SLC30A9: variants seen among roughly 807,000 people sequenced by gnomAD.
SLC30A9 encodes proton-coupled zinc antiporter SLC30A9, mitochondrial.
SLC30A9 carries 58 observed loss-of-function variants against 87.5 expected under a neutral mutation model. The observed-to-expected ratio is 0.66, with a 90% CI of 0.54 to 0.82. The LOEUF is 0.82. Ranked by LOEUF, SLC30A9 falls within the 40% of genes least tolerant of loss-of-function variation. The pLI is 0.00. For synonymous variants in SLC30A9, 234 were observed against 233.0 expected (o/e 1.00, Z -0.04); for missense variants, 557 against 679.1 (o/e 0.82, Z 2.00).
chr4:41,992,206 C>T (rs1057246450), intron 1 of SLC30A9, among the ~76,000 whole-genome samples: 3 of 151,614 alleles, frequency 2.0e-5, no homozygotes, highest in Admixed American at 1.3e-4. Context: ...GGTTTGGTGA[C>T]GCGCGCCTGT....
chr4:41,999,896 T>C (rs1221628428), intron 1 of SLC30A9, among the ~76,000 whole-genome samples: 1 of 152,186 alleles, frequency 6.6e-6, no homozygotes. Context: ...AGTTTTTGTC[T>C]CTTATAAATA....
At chr4:42,023,050 C>G in intron 5 of SLC30A9, 120 bp downstream of exon 5, 1 of 587,966 alleles carries the variant, frequency 1.7e-6, no homozygotes. Context: ...TTTGTATTTG[C>G]AAATCTGTTT....
intron 6 of SLC30A9, among the ~76,000 whole-genome samples, chr4:42,024,448 T>C (rs1468483734): frequency 6.6e-6 from 1 of 152,248 alleles, no homozygotes; most frequent in Non-Finnish European, 1.5e-5. Context: ...AGTTGTATAG[T>C]ACCCCATTGT....
chr4:42,039,691 G>C (rs1295821143), intron 8 of SLC30A9, among the ~76,000 whole-genome samples: 2 of 151,994 alleles, frequency 1.3e-5, no homozygotes, highest in African/African-American at 4.8e-5. Flanking sequence ...TCAATCTCCT[G>C]ACCTCGTGAT....
chr4:42,027,280 G>A (rs1716233593), intron 6 of SLC30A9, among the ~76,000 whole-genome samples: 1 of 152,166 alleles, frequency 6.6e-6, no homozygotes, highest in Non-Finnish European at 1.5e-5. Context: ...TTATTGGGAC[G>A]TAGCCATGAT....
At position 42,081,914 on chromosome 4, in the gene SLC30A9, G is replaced by A. The variant is rs1718751981; in HGVS notation, c.1662+3589G>A. 2.6e-5 allele frequency among the ~76,000 whole-genome samples: 4 copies of A among 152,194 alleles called. No individual in the cohort carries two copies. The South Asian group carries it at 8.3e-4, about 32-fold the overall frequency. ...ATACATTCAGGTGGAAACGTCTTTG[G>A]CTAAGATAATAAAGCATGGCCGGGC... is the stretch of plus-strand genomic sequence containing the variant. On this transcript the variant is annotated intron_variant, in intron 17 of 17. Coordinates refer to ENST00000264451, the MANE Select transcript of SLC30A9 (RefSeq NM_006345.4).
At chr4:42,075,604 A>G in intron 15 of SLC30A9, 53 bp from the exon 16 acceptor site, 1 of 1,472,848 alleles carries the variant, frequency 6.8e-7, no homozygotes, top group Non-Finnish European at 9.5e-7. Flanking sequence ...ATTAAAGTAT[A>G]TATATGTGTA....
At chr4:42,072,231 TTGAC>T (rs1383074391) in intron 15 of SLC30A9, among the ~76,000 whole-genome samples, 2 of 152,184 alleles carry the variant, frequency 1.3e-5, no homozygotes, top group African/African-American at 4.8e-5. Context: ...TTTGGTTTAA[TTGAC>T]TTTCTCTGTT....
chr4:42,067,212 C>T lies in SLC30A9; in HGVS notation c.1252+20C>T. 7.3e-7 allele frequency: 1 copy of T among 1,374,032 alleles called. No homozygotes were observed. Among genetic ancestry groups the T allele is most frequent in the South Asian group, 1.2e-5 (1 of 85,574 alleles). The allele number at this position is 1,374,032 out of a possible 1,614,324, so 85.1% of individuals were successfully genotyped here. On this transcript the variant is annotated intron_variant, in intron 14 of 17. Coordinates refer to ENST00000264451, the MANE Select transcript of SLC30A9 (RefSeq NM_006345.4). ...TAACAGGTAAATATTCCTTAAATTACAGGTGATTTATTTGTCCTACTTAAA... is the reference window on the plus strand; with the variant it reads ...TAACAGGTAAATATTCCTTAAATTATAGGTGATTTATTTGTCCTACTTAAA...
intron 9 of SLC30A9, among the ~76,000 whole-genome samples, chr4:42,056,619 C>T (rs978077031): frequency 2.6e-5 from 4 of 152,102 alleles, no homozygotes; most frequent in South Asian, 2.1e-4. Flanking sequence ...TATCTTCCCG[C>T]CCCAGCCCCT....
chr4:42,016,583 A>G (rs1182781229), intron 2 of SLC30A9, among the ~76,000 whole-genome samples: 1 of 152,084 alleles, frequency 6.6e-6, no homozygotes, highest in Non-Finnish European at 1.5e-5. Context: ...TTAGTTGCTA[A>G]GATTTATCTT....
At chr4:42,045,502 GA>G (rs1300785156) in intron 8 of SLC30A9, among the ~76,000 whole-genome samples, 1 of 150,696 alleles carries the variant, frequency 6.6e-6, no homozygotes, top group Non-Finnish European at 1.5e-5. Context: ...ACCCTCCCAA[GA>G]CTAAACCAGG....
intron 17 of SLC30A9, 81 bp from the exon 18 acceptor site, chr4:42,086,001 T>G (rs1718910642): frequency 7.8e-6 from 2 of 255,096 alleles, no homozygotes; most frequent in Non-Finnish European, 1.4e-5. Context: ...ATGTTTTCAT[T>G]GGCTCTAATG....
At position 42,088,253 on chromosome 4, in the gene SLC30A9, A is replaced by G. The variant is rs899978012; in HGVS notation, c.*2127A>G. ...TCTAGAGTCACTGAATTTTCAAATC[A>G]GAGAATTTGGGCTGGATATGGTGGC... On this transcript the variant is annotated 3_prime_UTR_variant, in exon 18 of 18. Transcript: ENST00000264451. 1 of 150,288 alleles carries G rather than the reference A, an allele frequency of 6.7e-6. No individual in the cohort carries two copies. Among genetic ancestry groups the G allele is most frequent in the Non-Finnish European group, 1.5e-5 (1 of 68,020 alleles). 9.3% of individuals were successfully genotyped at this position (150,288 alleles called of 1,614,324 possible).
Position 42,001,704 on chromosome 4 carries a change from G to T in SLC30A9, c.198G>T (p.Leu66Phe). Residue 66 changes from leucine to phenylalanine, a missense_variant, in exon 2 of 18, where the codon TTG (leucine) becomes TTT (phenylalanine). By Grantham distance (22) the Leu-to-Phe change is conservative. This residue lies in a region of SLC30A9 where 467 missense variants were observed against 529.8 expected (regional missense o/e 0.88). Coordinates refer to ENST00000264451, the MANE Select transcript of SLC30A9 (RefSeq NM_006345.4). Reference sequence around the variant, plus strand: ...TTGGTACCCTGAGTCAAGTAAAGTTGTACTCCACAAATGTTCAGAAAGAAG... The same window carrying T: ...TTGGTACCCTGAGTCAAGTAAAGTTTTACTCCACAAATGTTCAGAAAGAAG... ...PYIGTLSQVKLYSTNVQKEGQ... is the reference protein window; with the variant it reads ...PYIGTLSQVKFYSTNVQKEGQ... 1 of 1,610,736 alleles carries T rather than the reference G, an allele frequency of 6.2e-7. No homozygotes were observed.
intron 1 of SLC30A9, among the ~76,000 whole-genome samples, chr4:41,994,170 A>AGAG (rs72606212): frequency 6.6e-6 from 1 of 151,272 alleles, no homozygotes; most frequent in Non-Finnish European, 1.5e-5. Flanking sequence ...GAAAAAAAAA[A>AGAG]GTTATAATTT....
intron 1 of SLC30A9, 87 bp downstream of exon 1, chr4:41,990,847 C>T: frequency 2.1e-6 from 2 of 950,342 alleles, no homozygotes; most frequent in Non-Finnish European, 3.2e-6. Flanking sequence ...GGCAATTCGC[C>T]CACTTGCCTT....
At chr4:42,026,480 T>C (rs1716197043) in intron 6 of SLC30A9, among the ~76,000 whole-genome samples, 1 of 152,242 alleles carries the variant, frequency 6.6e-6, no homozygotes. Flanking sequence ...GCTGACTTTA[T>C]TGTTATCTGT....
chr4:42,065,492 G>A, intron 12 of SLC30A9, 143 bp downstream of exon 12: 2 of 610,604 alleles, frequency 3.3e-6, no homozygotes, highest in South Asian at 1.8e-5. Flanking sequence ...CTTTTAGGGA[G>A]TAAAGTCTTT....
Sources: allele counts gnomAD v4.1 joint callset (sites outside exome capture counted in the v4.1 genomes callset), GRCh38; gene constraint gnomAD v4.1.1; regional missense constraint gnomAD v4.1.1; transcripts MANE v1.5; gene names NCBI Gene and HGNC (gene_info 2026-07-23, HGNC 2026-07-21).